Variants in PCDH9 observed in about 807,000 individuals in gnomAD.
PCDH9 encodes the protein protocadherin-9.
A neutral mutation model predicts 70.6 loss-of-function variants in PCDH9; 24 were observed. The ratio of observed to expected loss-of-function variants is 0.34; its 90% CI spans 0.25 to 0.48. The LOEUF is 0.48. Among genes scored for constraint, PCDH9 ranks in the 20% least tolerant of loss-of-function variants. The pLI, the probability that PCDH9 is intolerant of heterozygous loss-of-function variation, is 0.99. For missense variants in PCDH9, 1,281 were observed against 1,503.6 expected (o/e 0.85, Z 2.45); for synonymous variants, 562 against 558.5 (o/e 1.01, Z -0.09).
intron 4 of PCDH9, among the ~76,000 whole-genome samples, chr13:66,380,147 T>C (rs1289675195): frequency 6.6e-6 from 1 of 152,146 alleles, no homozygotes; most frequent in Non-Finnish European, 1.5e-5. Flanking sequence ...GCAAACTGGC[T>C]CTCTGATCAT....
In PCDH9 at chr13:66,621,215, T is replaced by C. The variant is rs560741430; in HGVS notation, c.3340+9995A>G. Among the ~76,000 whole-genome samples the C allele has an allele frequency of 2.6e-5, 4 of 152,268 alleles. No individual in the cohort carries two copies. In the East Asian group the frequency reaches 7.7e-4, roughly 29 times the overall value. ...AACCAACAAAGTAAAGCAAAGATGA[T>C]GGAAAATCACTCTGATGGTTATGTT... On this transcript the variant is annotated intron_variant, in intron 4 of 4. Transcript: ENST00000377865.
intron 3 of PCDH9, among the ~76,000 whole-genome samples, chr13:66,691,790 A>G (rs2078490771): frequency 6.6e-6 from 1 of 152,192 alleles, no homozygotes. Context: ...GAATACCAAA[A>G]ATATTACATT....
rs141452416 is a variant in PCDH9, at chr13:66,867,610, C to A, written c.3138+35894G>T. Among the ~76,000 whole-genome samples, 497 of 152,082 alleles carry A rather than the reference C, an allele frequency of 3.3e-3. 2 individuals carry two copies. Among genetic ancestry groups the A allele is most frequent in the Non-Finnish European group, 5.2e-3 (354 of 67,934 alleles). Reference sequence around the variant, plus strand: ...AGTGGAACGAAAAATAATTTATTAACCCATGCTATTGAAAAATACAACCAA... The same window carrying A: ...AGTGGAACGAAAAATAATTTATTAAACCATGCTATTGAAAAATACAACCAA... On this transcript the variant is annotated intron_variant, in intron 3 of 4. Coordinates refer to ENST00000377865, the MANE Select transcript of PCDH9 (RefSeq NM_203487.3).
intron 2 of PCDH9, among the ~76,000 whole-genome samples, chr13:67,173,430 A>AT (rs1334883725): frequency 6.6e-6 from 1 of 152,068 alleles, no homozygotes; most frequent in Non-Finnish European, 1.5e-5. Flanking sequence ...AATTATATAT[A>AT]TATTTTCCAA....
chr13:67,132,526 A>G (rs969128453), intron 2 of PCDH9, among the ~76,000 whole-genome samples: 11 of 152,170 alleles, frequency 7.2e-5, no homozygotes, highest in African/African-American at 2.4e-4. Flanking sequence ...TGTTTAAATC[A>G]ATAAATTAAG....
intron 4 of PCDH9, among the ~76,000 whole-genome samples, chr13:66,574,817 GC>G (rs2076789793): frequency 6.6e-6 from 1 of 152,064 alleles, no homozygotes; most frequent in Admixed American, 6.5e-5. Context: ...CCTTTCTTCA[GC>G]CACAAACAAT....
At chr13:66,483,172 A>T (rs1958872159) in intron 4 of PCDH9, among the ~76,000 whole-genome samples, 1 of 152,230 alleles carries the variant, frequency 6.6e-6, no homozygotes, top group Admixed American at 6.5e-5. Context: ...ATGTGTGGTT[A>T]TATCTGTATG....
intron 3 of PCDH9, among the ~76,000 whole-genome samples, chr13:66,759,626 G>GCTTT (rs2079591119): frequency 9.2e-6 from 1 of 108,150 alleles, no homozygotes; most frequent in Non-Finnish European, 2.0e-5. Flanking sequence ...TAGTAACAGT[G>GCTTT]CTTTCTTGTT....
intron 4 of PCDH9, among the ~76,000 whole-genome samples, chr13:66,415,147 T>A (rs1368900862): frequency 6.6e-6 from 1 of 152,148 alleles, no homozygotes; most frequent in Non-Finnish European, 1.5e-5. Flanking sequence ...ATATTAATTT[T>A]AAAAACTAGC....
In PCDH9 at chr13:66,797,955, TGG is replaced by T. The variant is rs138119710; in HGVS notation, c.3138+105547_3138+105548del. Among the ~76,000 whole-genome samples the T allele has an allele frequency of 5.3e-3, 804 of 150,432 alleles. 3 individuals are homozygous for T. The highest frequency in any genetic ancestry group is 0.013 in the East Asian group (65 of 5,128). On this transcript the variant is annotated intron_variant, in intron 3 of 4. Coordinates refer to ENST00000377865, the MANE Select transcript of PCDH9 (RefSeq NM_203487.3). ...AACAATGTGTTCTGTTTTTGTTTCT[TGG>T]GGGGTGTGTGTGTGTGTGTGTGTGT...
intron 3 of PCDH9, among the ~76,000 whole-genome samples, chr13:66,808,588 T>C (rs891758413): frequency 3.3e-5 from 5 of 152,170 alleles, no homozygotes; most frequent in African/African-American, 1.2e-4. Flanking sequence ...CATAGTTGCC[T>C]GGTAAGTCCT....
chr13:66,636,804 A>G (rs2077644131), intron 3 of PCDH9, among the ~76,000 whole-genome samples: 1 of 152,066 alleles, frequency 6.6e-6, no homozygotes, highest in Non-Finnish European at 1.5e-5. Flanking sequence ...TCAAGAAAGT[A>G]CTTATGATGA....
intron 2 of PCDH9, among the ~76,000 whole-genome samples, chr13:67,051,382 ATTTTTTTTTTT>A (rs567408801): frequency 1.2e-3 from 83 of 71,010 alleles, no homozygotes; most frequent in Non-Finnish European, 1.7e-3. Context: ...ACAATACAAG[ATTTTTTTTTTT>A]TTTTTTTTTT....
intron 4 of PCDH9, among the ~76,000 whole-genome samples, chr13:66,356,838 A>G (rs1458657904): frequency 2.0e-5 from 3 of 152,010 alleles, no homozygotes; most frequent in Non-Finnish European, 2.9e-5. Context: ...AATTATTACA[A>G]CATTCTTATG....
At chr13:67,000,492 TAAAATA>T (rs1309203109) in intron 2 of PCDH9, among the ~76,000 whole-genome samples, 1 of 83,100 alleles carries the variant, frequency 1.2e-5, no homozygotes, top group Non-Finnish European at 3.0e-5. Flanking sequence ...AATAATAAAA[TAAAATA>T]AAAAAAAGAC....
intron 2 of PCDH9, among the ~76,000 whole-genome samples, chr13:67,021,584 C>T (rs572178281): frequency 4.0e-4 from 61 of 151,966 alleles, no homozygotes; most frequent in African/African-American, 1.0e-3. Context: ...TCTTTTGAGA[C>T]GGTCTCACTC....
chr13:66,759,284 TA>T (rs1163389408), intron 3 of PCDH9, among the ~76,000 whole-genome samples: 2 of 152,054 alleles, frequency 1.3e-5, no homozygotes, highest in African/African-American at 2.4e-5. Context: ...AAGCCTAATT[TA>T]TTTAATTAAG....
intron 3 of PCDH9, among the ~76,000 whole-genome samples, chr13:66,849,968 T>A (rs1419462427): frequency 6.6e-6 from 1 of 152,096 alleles, no homozygotes; most frequent in East Asian, 1.9e-4. Flanking sequence ...GAAGGAAAGG[T>A]CAGTCCCTAG....
At chr13:66,891,088 C>T (rs942537438) in intron 3 of PCDH9, among the ~76,000 whole-genome samples, 2 of 151,910 alleles carry the variant, frequency 1.3e-5, no homozygotes, top group East Asian at 1.9e-4. Context: ...TTTTTCTCTT[C>T]CACTTAGCAC....
Sources: allele counts gnomAD v4.1 joint callset (sites outside exome capture counted in the v4.1 genomes callset), GRCh38; gene constraint gnomAD v4.1.1; transcripts MANE v1.5; gene names NCBI Gene and HGNC (gene_info 2026-07-23, HGNC 2026-07-21).